Variants in SUMF1 observed in about 807,000 individuals in gnomAD.
The protein encoded by SUMF1 is sulfatase modifying factor 1.
SUMF1 carries 48 observed loss-of-function variants against 47.6 expected under a neutral mutation model. The ratio of observed to expected loss-of-function variants is 1.01; its 90% CI spans 0.80 to 1.28. The LOEUF is 1.28. Among genes scored for constraint, SUMF1 ranks in the 50% most tolerant of loss-of-function variants. The pLI, the probability that SUMF1 is intolerant of heterozygous loss-of-function variation, is 0.00. For synonymous variants in SUMF1, 230 were observed against 192.1 expected, an observed-to-expected ratio of 1.20 and a Z score of -1.63; for missense variants, 571 against 485.4, an observed-to-expected ratio of 1.18 and a Z score of -1.66.
chr3:4,244,398 G>A (rs1044371145), intron 8 of SUMF1, among the ~76,000 whole-genome samples: 3 of 152,222 alleles, frequency 2.0e-5, no homozygotes, highest in African/African-American at 7.2e-5. Context: ...GCTGGTATCA[G>A]TTGTTCCTTC....
At chr3:4,417,980 T>G (rs1701769502) in intron 5 of SUMF1, 30 bp downstream of exon 5, 1 of 1,613,524 alleles carries the variant, frequency 6.2e-7, no homozygotes, top group African/African-American at 1.3e-5. Flanking sequence ...GACCAACATA[T>G]TGTCAGGCAA....
intron 8 of SUMF1, among the ~76,000 whole-genome samples, chr3:4,227,286 T>G (rs555825538): frequency 6.6e-6 from 1 of 152,254 alleles, no homozygotes; most frequent in African/African-American, 2.4e-5. Flanking sequence ...CAACAGGCAC[T>G]GGGGATACAG....
chr3:4,386,836 C>T (rs1337452382), intron 7 of SUMF1, among the ~76,000 whole-genome samples: 1 of 150,972 alleles, frequency 6.6e-6, no homozygotes, highest in African/African-American at 2.4e-5. Context: ...TTGTTAAATG[C>T]TTCTTCTGCA....
chr3:4,081,993 A>G (rs1433686498), intron 8 of SUMF1, among the ~76,000 whole-genome samples: 2 of 152,134 alleles, frequency 1.3e-5, no homozygotes, highest in African/African-American at 2.4e-5. Flanking sequence ...GTCTTTGCCT[A>G]CAGTTCTCCA....
At chr3:4,403,094 C>G (rs1357359176) in intron 7 of SUMF1, among the ~76,000 whole-genome samples, 3 of 152,200 alleles carry the variant, frequency 2.0e-5, no homozygotes, top group African/African-American at 2.4e-5. Flanking sequence ...ATGCTATCTG[C>G]CAAACATGGT....
intron 8 of SUMF1, among the ~76,000 whole-genome samples, chr3:4,285,228 G>C (rs965436939): frequency 3.9e-5 from 6 of 152,110 alleles, no homozygotes; most frequent in African/African-American, 1.2e-4. Flanking sequence ...TGACTTAATA[G>C]TATCTCCTCT....
At chr3:4,312,439 AATAC>A (rs1000520027) in intron 8 of SUMF1, among the ~76,000 whole-genome samples, 1 of 152,102 alleles carries the variant, frequency 6.6e-6, no homozygotes, top group African/African-American at 2.4e-5. Flanking sequence ...CATACATAAT[AATAC>A]ATATATATGT....
Position 4,376,345 on chromosome 3 carries a change from G to C in SUMF1, c.999C>G (p.Ser333=), listed in dbSNP as rs1351393491. The C allele has an allele frequency of 1.3e-5, 21 of 1,614,142 alleles. No homozygotes were observed. Among genetic ancestry groups the C allele is most frequent in the East Asian group, 4.5e-5 (2 of 44,884 alleles). The change falls in exon 8 of 9, where the codon TCC becomes TCG. Residue 333 remains serine (S), a synonymous_variant. Coordinates refer to ENST00000272902, the MANE Select transcript of SUMF1 (RefSeq NM_182760.4). The stretch of plus-strand genomic sequence containing the variant: ...CATGACTTACCCTATGGCACATGTA[G>C]GATCCACCTTTCTTCACTCGGTCTT... ...SGKDRVKKGG[S]YMCHRSYCYR...
chr3:4,066,477 A>C (rs887507060), intron 9 of SUMF1, among the ~76,000 whole-genome samples: 3 of 152,162 alleles, frequency 2.0e-5, no homozygotes, highest in Non-Finnish European at 4.4e-5. Context: ...CTTGAAACTT[A>C]CATTTGTCTT....
chr3:4,086,544 TTAAA>T (rs1692676152), intron 8 of SUMF1, among the ~76,000 whole-genome samples: 1 of 152,108 alleles, frequency 6.6e-6, no homozygotes, highest in African/African-American at 2.4e-5. Flanking sequence ...TCCTCATCTA[TTAAA>T]TAGAGACAAA....
chr3:4,382,072 A>C lies in SUMF1; in HGVS notation c.955-5683T>G, dbSNP rs560511133. Among the ~76,000 whole-genome samples the C allele has an allele frequency of 1.1e-4, 16 of 152,176 alleles. No homozygotes were observed. In the South Asian group the frequency reaches 2.9e-3, roughly 28 times the overall value. Reference sequence around the variant, plus strand: ...TCAGGAAAACAAACAAACAAACAAAAAAACCTTCCTCAAGAACTGAATCTA... The same window carrying C: ...TCAGGAAAACAAACAAACAAACAAACAAACCTTCCTCAAGAACTGAATCTA... On this transcript the variant is annotated intron_variant, in intron 7 of 8. Coordinates refer to ENST00000272902, the MANE Select transcript of SUMF1 (RefSeq NM_182760.4).
intron 1 of SUMF1, among the ~76,000 whole-genome samples, chr3:4,464,505 C>T (rs1314993804): frequency 6.6e-6 from 1 of 151,966 alleles, no homozygotes; most frequent in African/African-American, 2.4e-5. Flanking sequence ...GTATGCCCAG[C>T]ACATAGGATG....
intron 7 of SUMF1, among the ~76,000 whole-genome samples, chr3:4,409,932 T>C (rs17040641): frequency 0.022 from 3,425 of 152,318 alleles, 107 homozygotes; most frequent in African/African-American, 0.078. Context: ...TGTAATCCTA[T>C]ATTGAGAAGA....
intron 8 of SUMF1, among the ~76,000 whole-genome samples, chr3:4,083,866 T>C (rs931448197): frequency 6.7e-6 from 1 of 150,274 alleles, no homozygotes; most frequent in African/African-American, 2.4e-5. Context: ...AGCTTAGAAA[T>C]GGACTTTGTA....
At chr3:4,179,889 G>A (rs1695054257) in intron 8 of SUMF1, among the ~76,000 whole-genome samples, 1 of 152,246 alleles carries the variant, frequency 6.6e-6, no homozygotes, top group African/African-American at 2.4e-5. Flanking sequence ...CAAAGGATAT[G>A]AACACACACT....
chr3:4,154,197 A>T (rs1176401130), intron 8 of SUMF1, among the ~76,000 whole-genome samples: 1 of 151,526 alleles, frequency 6.6e-6, no homozygotes, highest in African/African-American at 2.5e-5. Context: ...GAGCTACTCC[A>T]GAAAGAACTG....
At chr3:4,435,625 T>A (rs1393606604) in intron 3 of SUMF1, among the ~76,000 whole-genome samples, 2 of 152,158 alleles carry the variant, frequency 1.3e-5, no homozygotes, top group African/African-American at 4.8e-5. Context: ...GATAAAAAAT[T>A]TTTTAAACTT....
chr3:4,406,141 T>C (rs764785355), intron 7 of SUMF1, among the ~76,000 whole-genome samples: 3 of 151,814 alleles, frequency 2.0e-5, no homozygotes, highest in African/African-American at 7.3e-5. Flanking sequence ...AGCCAAAACA[T>C]AATATAAACA....
chr3:4,061,139 CT>C (rs1366523637), intron 9 of SUMF1, among the ~76,000 whole-genome samples: 5 of 152,180 alleles, frequency 3.3e-5, no homozygotes, highest in East Asian at 1.9e-4. Context: ...GGGCAGCCCC[CT>C]GATCCAGAAT....
Sources: gnomAD v4.1 joint callset for allele counts (sites outside exome capture counted in the v4.1 genomes callset) on GRCh38, gnomAD v4.1.1 for gene constraint, MANE v1.5 for transcripts, NCBI Gene and HGNC (gene_info 2026-07-23, HGNC 2026-07-21) for gene names.